Variants in ABTB2 observed in about 807,000 individuals in gnomAD.
ABTB2 encodes ankyrin repeat and BTB domain containing 2, also known as ankyrin repeat and BTB/POZ domain-containing protein 2.
Under a neutral mutation model 104.1 loss-of-function variants are expected in ABTB2, and 56 were observed. The ratio of observed to expected loss-of-function variants is 0.54; its 90% confidence interval spans 0.43 to 0.67. ABTB2 has a LOEUF of 0.67. Among genes scored for constraint, ABTB2 ranks in the 30% least tolerant of loss-of-function variants. The pLI, the probability that ABTB2 is intolerant of heterozygous loss-of-function variation, is 0.00. For missense variants in ABTB2, 1,279 were observed against 1,407.7 expected (o/e 0.91, Z 1.46); for synonymous variants, 606 against 608.2 (o/e 1.00, Z 0.05).
intron 1 of ABTB2, among the ~76,000 whole-genome samples, chr11:34,281,175 C>A (rs935877603): frequency 2.6e-5 from 4 of 152,170 alleles, no homozygotes. Flanking sequence ...AACATGCACC[C>A]CCATCCAGTG....
intron 1 of ABTB2, among the ~76,000 whole-genome samples, chr11:34,333,318 C>T (rs2180948): frequency 0.41 from 61,908 of 152,004 alleles, 14,580 homozygotes; most frequent in African/African-American, 0.64. Context: ...AGTTACATAG[C>T]GGCATGTCTG....
Position 34,256,318 on chromosome 11 carries a change from G to C in ABTB2, c.884-51628C>G, listed in dbSNP as rs1462032672. On this transcript the variant is annotated intron_variant, in intron 1 of 16. Coordinates refer to ENST00000435224, the MANE Select transcript of ABTB2 (RefSeq NM_145804.3). ...TTGTCTTTCTCCCCCCTCCCTTCTG[G>C]TCCCTGGTGAATGCCCCCTAATTCT... 2.0e-5 allele frequency among the ~76,000 whole-genome samples: 3 copies of C among 151,940 alleles called. No individual in the cohort carries two copies. The East Asian group carries it at 5.8e-4, about 29-fold the overall frequency.
At chr11:34,265,126 G>C (rs966645485) in intron 1 of ABTB2, among the ~76,000 whole-genome samples, 1 of 152,222 alleles carries the variant, frequency 6.6e-6, no homozygotes, top group African/African-American at 2.4e-5. Flanking sequence ...AAGATGCAGG[G>C]ATACAAGGAA....
Position 34,357,344 on chromosome 11 carries a change from T to A in ABTB2, c.240A>T (p.Glu80Asp). 6.6e-7 allele frequency: 1 copy of A among 1,525,220 alleles called. No individual in the cohort carries two copies. The highest frequency in any genetic ancestry group is 2.0e-5 in the Admixed American group (1 of 49,592). The allele number at this position is 1,525,220 out of a possible 1,614,324, so 94.5% of individuals were successfully genotyped here. ...GACAGCGCGAGAAGAGGTCGGCCAC[T>A]TCGGGGTCCTCGGGCAGCACCGTGT... ...TVNTVLPEDP[E>D]VADLFSRCPR... is the part of the protein sequence containing the mutation. The change falls in exon 1 of 17, where the codon GAA becomes GAT. Residue 80 changes from glutamate to aspartate, a missense_variant. By Grantham distance (45) the Glu-to-Asp change is conservative (BLOSUM62 2). Coordinates refer to ENST00000435224, the MANE Select transcript of ABTB2 (RefSeq NM_145804.3).
At chr11:34,258,759 C>T (rs1005392392) in intron 1 of ABTB2, among the ~76,000 whole-genome samples, 14 of 152,012 alleles carry the variant, frequency 9.2e-5, no homozygotes, top group Non-Finnish European at 2.1e-4. Flanking sequence ...TGCCACCATG[C>T]CCAGCTAATT....
chr11:34,328,669 G>C (rs1171136701), intron 1 of ABTB2, among the ~76,000 whole-genome samples: 1 of 152,186 alleles, frequency 6.6e-6, no homozygotes, highest in Non-Finnish European at 1.5e-5. Context: ...CCACCGGGCA[G>C]GCATTCAAGG....
intron 1 of ABTB2, among the ~76,000 whole-genome samples, chr11:34,216,676 G>A (rs1590219502): frequency 1.3e-5 from 2 of 152,160 alleles, no homozygotes; most frequent in Admixed American, 6.5e-5. Flanking sequence ...ACTTGAATCC[G>A]GGAGGCAGGA....
intron 1 of ABTB2, among the ~76,000 whole-genome samples, chr11:34,346,087 C>T (rs1239343336): frequency 6.6e-6 from 1 of 152,160 alleles, no homozygotes; most frequent in East Asian, 1.9e-4. Flanking sequence ...TCTCGGCCTT[C>T]AGCATTCCTG....
chr11:34,153,368 T>A (rs1227694671), intron 16 of ABTB2, among the ~76,000 whole-genome samples: 6 of 152,144 alleles, frequency 3.9e-5, no homozygotes, highest in Admixed American at 2.0e-4. Context: ...GTCTTTGTAC[T>A]TTTTTGGGGG....
chr11:34,265,267 C>T (rs980076575), intron 1 of ABTB2, among the ~76,000 whole-genome samples: 1 of 152,202 alleles, frequency 6.6e-6, no homozygotes, highest in African/African-American at 2.4e-5. Flanking sequence ...GAAAGGCCCA[C>T]CAGCATTGGT....
At chr11:34,308,868 C>CAAAAAAAAAAAA (rs57658114) in intron 1 of ABTB2, among the ~76,000 whole-genome samples, 10 of 77,774 alleles carry the variant, frequency 1.3e-4, no homozygotes, top group Admixed American at 3.5e-4. Flanking sequence ...GAAACTGTCT[C>CAAAAAAAAAAAA]AAAAAAAAAA....
At chr11:34,164,996 C>T (rs1160938796) in intron 8 of ABTB2, among the ~76,000 whole-genome samples, 175 bp from the exon 9 acceptor site, 3 of 152,198 alleles carry the variant, frequency 2.0e-5, no homozygotes, top group Non-Finnish European at 2.9e-5. Context: ...GAAGGCTGGC[C>T]GTGCCCTGCC....
chr11:34,337,025 T>C (rs7944742), intron 1 of ABTB2, among the ~76,000 whole-genome samples: 90,653 of 151,806 alleles, frequency 0.6, 29,162 homozygotes, highest in East Asian at 0.88. Flanking sequence ...AAGATTTGAA[T>C]GCAGGCAGTC....
At chr11:34,190,552 C>G (rs114745256) in intron 3 of ABTB2, among the ~76,000 whole-genome samples, 1 of 152,162 alleles carries the variant, frequency 6.6e-6, no homozygotes, top group Admixed American at 6.5e-5. Flanking sequence ...CCGCAGGAGT[C>G]CAGGGAGAAA....
chr11:34,163,451 T>C (rs1002456931), intron 9 of ABTB2, among the ~76,000 whole-genome samples: 2 of 152,172 alleles, frequency 1.3e-5, no homozygotes, highest in African/African-American at 4.8e-5. Context: ...CCCAGACACA[T>C]CACCGTCATA....
At chr11:34,346,091 A>T (rs368031391) in intron 1 of ABTB2, among the ~76,000 whole-genome samples, 19 of 152,288 alleles carry the variant, frequency 1.2e-4, no homozygotes, top group African/African-American at 4.6e-4. Flanking sequence ...GGCCTTCAGC[A>T]TTCCTGGCAG....
chr11:34,240,604 T>C (rs1483905882), intron 1 of ABTB2, among the ~76,000 whole-genome samples: 1 of 152,194 alleles, frequency 6.6e-6, no homozygotes, highest in Non-Finnish European at 1.5e-5. Context: ...CCTCCCCGCC[T>C]TTTTTTGAGA....
At chr11:34,348,816 C>A (rs1014318329) in intron 1 of ABTB2, among the ~76,000 whole-genome samples, 1 of 152,136 alleles carries the variant, frequency 6.6e-6, no homozygotes, top group Non-Finnish European at 1.5e-5. Flanking sequence ...GCCATTGCTC[C>A]CCTCTTTGTT....
chr11:34,160,872 G>C, intron 11 of ABTB2, 31 bp downstream of exon 11: 1 of 1,574,156 alleles, frequency 6.4e-7, no homozygotes, highest in Non-Finnish European at 8.6e-7. Context: ...CTGGGCCGTG[G>C]GCTTGGGAAC....
Sources: allele counts gnomAD v4.1 joint callset (sites outside exome capture counted in the v4.1 genomes callset), GRCh38; gene constraint gnomAD v4.1.1; transcripts MANE v1.5; gene names NCBI Gene and HGNC (gene_info 2026-07-23, HGNC 2026-07-21).